Variants in MAF observed in about 807,000 individuals in gnomAD.
MAF encodes the protein MAF bZIP transcription factor, also known as transcription factor Maf.
A neutral mutation model predicts 22.0 loss-of-function variants in MAF; 10 were observed. The ratio of observed to expected loss-of-function variants is 0.45; its 90% CI spans 0.28 to 0.77. The LOEUF is 0.77. MAF is among the 30% of genes least tolerant of loss of function. The pLI is 0.12. For missense variants in MAF, 544 were observed against 548.4 expected (o/e 0.99, Z 0.08); for synonymous variants, 337 against 255.8 (o/e 1.32, Z -3.03).
the MAF span, among the ~76,000 whole-genome samples, chr16:79,397,601 G>A: frequency 1.3e-5 from 2 of 152,132 alleles, no homozygotes; most frequent in Admixed American, 6.5e-5. Flanking sequence ...GGATGTAACC[G>A]GCTGGTTGCA....
the MAF span, among the ~76,000 whole-genome samples, chr16:79,430,104 T>G: frequency 6.6e-6 from 1 of 152,154 alleles, no homozygotes; most frequent in East Asian, 1.9e-4. Flanking sequence ...AACTGGAGCT[T>G]CAACCCAGCC....
the MAF span, among the ~76,000 whole-genome samples, chr16:79,324,970 A>G: frequency 1.3e-5 from 2 of 152,054 alleles, no homozygotes; most frequent in South Asian, 4.2e-4. Flanking sequence ...TGTGGCTTAT[A>G]GACACGTGCT....
the MAF span, among the ~76,000 whole-genome samples, chr16:79,399,096 C>T: frequency 7.2e-5 from 11 of 152,136 alleles, no homozygotes; most frequent in Non-Finnish European, 1.3e-4. Flanking sequence ...ATCCCTGTGA[C>T]GTTGAGAGGC....
chr16:79,212,110 C>CTTTTACTGTTATAGAATA, the MAF span: 1 of 1,535,794 alleles, frequency 6.5e-7, no homozygotes, highest in African/African-American at 1.4e-5. Context: ...AATTCTCTTT[C>CTTTTACTGTTATAGAATA]TTTTACTGTT....
the MAF span, among the ~76,000 whole-genome samples, chr16:79,336,407 C>T: frequency 6.6e-6 from 1 of 151,978 alleles, no homozygotes; most frequent in Non-Finnish European, 1.5e-5. Flanking sequence ...GGGTTTGAAC[C>T]AAGGTAGCTT....
the MAF span, among the ~76,000 whole-genome samples, chr16:79,430,140 C>G: frequency 6.6e-6 from 1 of 152,324 alleles, no homozygotes; most frequent in African/African-American, 2.4e-5. Flanking sequence ...CCACTCACTG[C>G]TCCCTTCTCC....
chr16:79,598,470 A>C, intron 1 of MAF: 1 of 1,303,790 alleles, frequency 7.7e-7, no homozygotes, highest in African/African-American at 1.5e-5. Flanking sequence ...AAAAAAAAAA[A>C]ACAAGCTAGC....
At chr16:79,216,398 C>T in the MAF span, among the ~76,000 whole-genome samples, 2 of 152,198 alleles carry the variant, frequency 1.3e-5, no homozygotes, top group African/African-American at 4.8e-5. Context: ...ATCCCTAACT[C>T]ATGATGGTTT....
At chr16:79,411,201 C>T in the MAF span, among the ~76,000 whole-genome samples, 1 of 151,838 alleles carries the variant, frequency 6.6e-6, no homozygotes, top group Non-Finnish European at 1.5e-5. Flanking sequence ...CACAAGACCT[C>T]GAAACCTTGG....
chr16:79,249,550 C>T, the MAF span, among the ~76,000 whole-genome samples: 3 of 152,124 alleles, frequency 2.0e-5, no homozygotes, highest in Non-Finnish European at 4.4e-5. Context: ...TGATTCCCAG[C>T]AGAGGCATCC....
chr16:79,456,156 C>G, the MAF span, among the ~76,000 whole-genome samples: 4 of 152,168 alleles, frequency 2.6e-5, no homozygotes, highest in Non-Finnish European at 4.4e-5. Flanking sequence ...TGCCTACTAT[C>G]CTAGCATGGT....
the MAF span, among the ~76,000 whole-genome samples, chr16:79,323,143 C>A: frequency 1.6e-5 from 1 of 62,208 alleles, no homozygotes; most frequent in African/African-American, 5.8e-5. Context: ...CGCGAGACTC[C>A]ATCTAAAAAA....
At chr16:79,544,772 CAAA>C in the MAF span, among the ~76,000 whole-genome samples, 26 of 113,596 alleles carry the variant, frequency 2.3e-4, no homozygotes, top group Non-Finnish European at 3.2e-4. Context: ...GGCTCTGTCT[CAAA>C]AAAAAAAAAA....
the MAF span, among the ~76,000 whole-genome samples, chr16:79,377,151 G>C: frequency 2.0e-5 from 3 of 152,184 alleles, no homozygotes; most frequent in South Asian, 6.2e-4. Context: ...CGGTGTAAAA[G>C]TGTTCCTATT....
the MAF span, among the ~76,000 whole-genome samples, chr16:79,518,556 C>G: frequency 6.6e-6 from 1 of 152,212 alleles, no homozygotes; most frequent in African/African-American, 2.4e-5. Flanking sequence ...CAACTGTGAC[C>G]AGCTATCTGA....
the MAF span, among the ~76,000 whole-genome samples, chr16:79,260,676 C>T: frequency 6.6e-6 from 1 of 152,104 alleles, no homozygotes; most frequent in Non-Finnish European, 1.5e-5. Context: ...AGTGAGTGTT[C>T]AACAGGCGAA....
the MAF span, among the ~76,000 whole-genome samples, chr16:79,214,522 C>T: frequency 6.6e-6 from 1 of 152,090 alleles, no homozygotes; most frequent in South Asian, 2.1e-4. Context: ...TCTCCTGCCT[C>T]AGCCTACCAA....
the MAF span, among the ~76,000 whole-genome samples, chr16:79,269,658 T>A: frequency 6.6e-6 from 1 of 152,198 alleles, no homozygotes; most frequent in Admixed American, 6.5e-5. Context: ...ATGATAATTA[T>A]TCTGGTTTTG....
the MAF span, among the ~76,000 whole-genome samples, chr16:79,227,973 A>G: frequency 6.6e-6 from 1 of 152,142 alleles, no homozygotes; most frequent in Non-Finnish European, 1.5e-5. Flanking sequence ...GCACAATTAT[A>G]GCTTACTGTT....
Sources: gnomAD v4.1 joint callset for allele counts (sites outside exome capture counted in the v4.1 genomes callset) on GRCh38, gnomAD v4.1.1 for gene constraint, MANE v1.5 for transcripts, NCBI Gene and HGNC (gene_info 2026-07-23, HGNC 2026-07-21) for gene names.